The following TMEM132A variants were observed in gnomAD, a reference collection of about 807,000 sequenced individuals.
TMEM132A encodes transmembrane protein 132A.
Under a neutral mutation model 69.9 loss-of-function variants are expected in TMEM132A, and 48 were observed. The observed-to-expected ratio is 0.69, with a 90% CI of 0.55 to 0.87. TMEM132A has a LOEUF of 0.87. Ranked by LOEUF, TMEM132A falls within the 40% of genes least tolerant of loss-of-function variation. The pLI is 0.00. For synonymous variants in TMEM132A, 577 were observed against 613.7 expected, an observed-to-expected ratio of 0.94 and a Z score of 0.88; for missense variants, 1,287 against 1,407.2, an observed-to-expected ratio of 0.91 and a Z score of 1.37.
In TMEM132A at chr11:60,927,260, C is replaced by T. The variant is rs1299431384; in HGVS notation, c.157C>T (p.Leu53=). The part of the protein sequence containing the change: ...PVYLPAALEL[L]DAPEHFRVQQ... ...CTACCTGCCGGCAGCCCTGGAGCTC[C>T]TAGACGCCCCTGAACACTTCCGTGT... The change falls in exon 2 of 11, where the codon CTA becomes TTA. Residue 53 remains leucine, a synonymous_variant. Coordinates refer to ENST00000453848, the MANE Select transcript of TMEM132A (RefSeq NM_178031.3). 6 of 1,613,660 alleles carry T rather than the reference C, an allele frequency of 3.7e-6. No individual in the cohort carries two copies. The highest frequency in any genetic ancestry group is 2.2e-5 in the South Asian group (2 of 91,074).
chr11:60,933,885 C>G (rs1856534524), intron 8 of TMEM132A, 141 bp downstream of exon 8: 1 of 730,206 alleles, frequency 1.4e-6, no homozygotes. Context: ...CACCTCCACC[C>G]TGGGCCGCCC....
At chr11:60,934,886 C>A in intron 9 of TMEM132A, 122 bp downstream of exon 9, 2 of 1,101,358 alleles carry the variant, frequency 1.8e-6, no homozygotes, top group Non-Finnish European at 2.5e-6. Context: ...GTTGTGCGGT[C>A]TAGGTCTGAG....
intron 1 of TMEM132A, 26 bp downstream of exon 1, chr11:60,924,759 G>T: frequency 1.3e-6 from 2 of 1,484,248 alleles, no homozygotes; most frequent in Non-Finnish European, 1.8e-6. Context: ...GGGCCGGGGC[G>T]AGGGGCGGCC....
Position 60,933,745 on chromosome 11 carries a change from G to GTGAGT in TMEM132A, c.1559+2_1559+6dup. On this transcript the variant is annotated splice_donor_variant, in intron 8 of 10. Transcript: ENST00000453848. LOFTEE classifies it high-confidence loss of function. ...GGAGGGTACCTGGCCCTGCTGAAGG[G>GTGAGT]TGAGTGGAGGCCTGAGGAAGCTGGC... The GTGAGT allele has an allele frequency of 6.4e-7, 1 of 1,566,282 alleles. No individual in the cohort carries two copies. The highest frequency in any genetic ancestry group is 8.6e-7 in the Non-Finnish European group (1 of 1,156,630).
intron 5 of TMEM132A, 53 bp downstream of exon 5, chr11:60,930,712 G>C: frequency 6.5e-7 from 1 of 1,532,498 alleles, no homozygotes; most frequent in Non-Finnish European, 8.8e-7. Context: ...TGGTTATAGA[G>C]TGCAGTTGAG....
Position 60,935,256 on chromosome 11 carries a change from G to A in TMEM132A, c.1841G>A (p.Arg614His), listed in dbSNP as rs78788109. 62 of 1,607,548 alleles carry A rather than the reference G, an allele frequency of 3.9e-5. No homozygotes were observed. In the East Asian group the frequency reaches 6.9e-4, roughly 18 times the overall value. Residue 614 changes from arginine (R) to histidine (H), a missense_variant, in exon 10 of 11, where the codon CGT (arginine) becomes CAT (histidine). By Grantham distance (29) the Arg-to-His change is conservative. Transcript: ENST00000453848. This position sits in a 1 kb window ranked among gnomAD's most constrained non-coding sequence, Gnocchi z 5.0. ...CCAGCTCCTTTCCACCCTCAGGTGC[G>A]TTCCCCACTGTCTGACTCCATCCTG... The part of the protein sequence containing the change: ...REPGVTSIEV[R>H]SPLSDSILGE...
At position 60,936,814 on chromosome 11, in the gene TMEM132A, C is replaced by T. The variant is rs762259053; in HGVS notation, c.2979C>T (p.Gly993=). ...CTGTGCAGTCCATCCTTGTGGCAGG[C>T]GAGGAGGACATCCGCTGGGTGTGTG... ...APAVQSILVA[G]EEDIRWVCED... is the part of the protein sequence containing the mutation. Residue 993 remains glycine, a synonymous_variant, in exon 11 of 11, where the codon GGC becomes GGT. Transcript: ENST00000453848. The T allele has an allele frequency of 2.6e-5, 42 of 1,612,570 alleles. 1 individual carries two copies. Among genetic ancestry groups the T allele is most frequent in the South Asian group, 1.9e-4 (17 of 90,986 alleles).
Position 60,931,805 on chromosome 11 carries a change from C to T in TMEM132A, c.1133C>T (p.Pro378Leu). Residue 378 changes from proline to leucine, a missense_variant, in exon 6 of 11, where the codon CCT becomes CTT. Pro to Leu is a moderately conservative substitution (Grantham distance 98). Transcript: ENST00000453848. ...CAGCTGGAGTACCCAGGCCAGGCCC[C>T]TGAAGCAGAGAAGGACAAAATGGTG... is the stretch of plus-strand genomic sequence containing the variant. ...TWQLEYPGQA[P>L]EAEKDKMVWE... 3 of 1,614,232 alleles carry T rather than the reference C, an allele frequency of 1.9e-6. No individual in the cohort carries two copies. The highest frequency in any genetic ancestry group is 2.5e-6 in the Non-Finnish European group (3 of 1,180,050).
rs756472326 is a variant in TMEM132A, at chr11:60,930,608, A to G, written c.965A>G (p.His322Arg). ...GACCGCTTCAAGGGCTCCAGGCACC[A>G]CACCACCCTCATCACCTGCCACCGT... ...KLDRFKGSRH[H>R]TTLITCHRAG... is the part of the protein sequence containing the mutation. The change falls in exon 5 of 11, where the codon CAC becomes CGC. Residue 322 changes from histidine to arginine, a missense_variant. By Grantham distance (29) the His-to-Arg change is conservative. Coordinates refer to ENST00000453848, the MANE Select transcript of TMEM132A (RefSeq NM_178031.3). The G allele has an allele frequency of 6.2e-7, 1 of 1,613,544 alleles. No homozygotes were observed. Among genetic ancestry groups the G allele is most frequent in the Non-Finnish European group, 8.5e-7 (1 of 1,179,822 alleles).
intron 3 of TMEM132A, 61 bp from the exon 4 acceptor site, chr11:60,928,568 G>C: frequency 6.7e-7 from 1 of 1,495,192 alleles, no homozygotes; most frequent in Non-Finnish European, 9.1e-7. Context: ...TGGGTGCTGA[G>C]AATCCTGTTC....
Position 60,927,191 on chromosome 11 carries a change from T to A in TMEM132A, c.101-13T>A, listed in dbSNP as rs769940653. On this transcript the variant is annotated splice_polypyrimidine_tract_variant and intron_variant, in intron 1 of 10. Transcript: ENST00000453848. ...TGGAGCTGTCATCATCTCTCCCTCTTATGCCTCTTCAGTGGACTGTGGCCA... is the reference window on the plus strand; with the variant it reads ...TGGAGCTGTCATCATCTCTCCCTCTAATGCCTCTTCAGTGGACTGTGGCCA... 6.2e-7 allele frequency: 1 copy of A among 1,609,934 alleles called. No individual in the cohort carries two copies. The highest frequency in any genetic ancestry group is 8.5e-7 in the Non-Finnish European group (1 of 1,178,942).
intron 5 of TMEM132A, among the ~76,000 whole-genome samples, chr11:60,930,997 A>T (rs1251096406): frequency 6.6e-6 from 1 of 152,124 alleles, no homozygotes; most frequent in East Asian, 1.9e-4. Context: ...TGGGCCGTTC[A>T]CATTCCCCCA....
At chr11:60,933,518 C>G (rs772398867) in intron 7 of TMEM132A, 24 bp from the exon 8 acceptor site, 30 of 1,594,250 alleles carry the variant, frequency 1.9e-5, no homozygotes, top group Non-Finnish European at 6.8e-6. Context: ...TTAGCCCGCC[C>G]ACCTGCCCTC....
rs955590225 is a variant in TMEM132A, at chr11:60,936,164, C to A, written c.2329C>A (p.Pro777Thr). The A allele has an allele frequency of 6.2e-7, 1 of 1,613,836 alleles. No homozygotes were observed. Among genetic ancestry groups the A allele is most frequent in the Non-Finnish European group, 8.5e-7 (1 of 1,179,920 alleles). ...PPASTPAPAL[P>T]SSPAWSPPAT... The stretch of plus-strand genomic sequence containing the variant: ...TGCCTCCACTCCAGCCCCTGCTCTC[C>A]CATCCAGCCCTGCTTGGAGCCCACC... Residue 777 changes from proline to threonine, a missense_variant, in exon 11 of 11, where the codon CCA becomes ACA. Physicochemically the swap from Pro to Thr is conservative, Grantham distance 38. Coordinates refer to ENST00000453848, the MANE Select transcript of TMEM132A (RefSeq NM_178031.3).
rs745915630 is a variant in TMEM132A at position 60,934,662 on chromosome 11, C to T, written c.1734C>T (p.Ser578=). 51 of 1,598,120 alleles carry T rather than the reference C, an allele frequency of 3.2e-5. No homozygotes were observed. The South Asian group carries it at 5.4e-4, about 17-fold the overall frequency. Residue 578 remains serine, a synonymous_variant, in exon 9 of 11, where the codon TCC becomes TCT. Coordinates refer to ENST00000453848, the MANE Select transcript of TMEM132A (RefSeq NM_178031.3). ...LLGPDWLLDV[S]HLVAPHARVL... ...GCCCCGACTGGCTGCTAGACGTGTCCCACCTCGTGGCGCCACACGCCCGCG... is the reference window on the plus strand; with the variant it reads ...GCCCCGACTGGCTGCTAGACGTGTCTCACCTCGTGGCGCCACACGCCCGCG...
intron 1 of TMEM132A, 97 bp from the exon 2 acceptor site, chr11:60,927,107 C>T (rs1386068242): frequency 1.0e-6 from 1 of 976,748 alleles, no homozygotes; most frequent in Admixed American, 1.7e-5. Flanking sequence ...CCTTTTCTCC[C>T]TCCCTTGCCC....
rs140313442 is a variant in TMEM132A at position 60,934,699 on chromosome 11, C to A, written c.1771C>A (p.Arg591Ser). Residue 591 changes from arginine to serine, a missense_variant, in exon 9 of 11, where the codon CGT becomes AGT. Arg to Ser is a moderately radical substitution (Grantham distance 110). Transcript: ENST00000453848. ...GCCACACGCCCGCGTGCTGGACTCG[C>A]GTGTAGCCTCTCTGGAGGGTGGCCG... is the stretch of plus-strand genomic sequence containing the variant. ...VAPHARVLDS[R>S]VASLEGGRVV... The A allele has an allele frequency of 2.1e-5, 33 of 1,606,846 alleles. No homozygotes were observed. In the African/African-American group the frequency reaches 3.9e-4, roughly 19 times the overall value.
rs1444576847 is a variant in TMEM132A at position 60,935,871 on chromosome 11, C to A, written c.2036C>A (p.Ala679Asp). Residue 679 changes from alanine (A) to aspartate (D), a missense_variant, in exon 11 of 11, where the codon GCC becomes GAC. Physicochemically the swap from Ala to Asp is moderately radical, Grantham distance 126. Transcript: ENST00000453848. This position sits in a 1 kb window ranked among gnomAD's most constrained non-coding sequence, Gnocchi z 5.0. ...TGTCTGTGTGCCCCACAGGAGGTGG[C>A]CCTCTCCCTATGGCTGTCCTTCTCT... ...SALPAPKQEVALSLWLSFSDH... is the reference protein window; with the variant it reads ...SALPAPKQEVDLSLWLSFSDH... 6.2e-7 allele frequency: 1 copy of A among 1,611,708 alleles called. No homozygotes were observed. Among genetic ancestry groups the A allele is most frequent in the Non-Finnish European group, 8.5e-7 (1 of 1,179,830 alleles).
At chr11:60,926,751 G>T in intron 1 of TMEM132A, 2 of 241,910 alleles carry the variant, frequency 8.3e-6, no homozygotes, top group South Asian at 1.0e-4. Flanking sequence ...GGGAGGAGGG[G>T]TGGATGCCCA....
Sources: allele counts gnomAD v4.1 joint callset (sites outside exome capture counted in the v4.1 genomes callset), GRCh38; gene constraint gnomAD v4.1.1; non-coding constraint Gnocchi (gnomAD v3.1); transcripts MANE v1.5; gene names NCBI Gene and HGNC (gene_info 2026-07-23, HGNC 2026-07-21).